The following POU6F2 variants were observed in gnomAD, a reference collection of about 807,000 sequenced individuals.
POU6F2 encodes POU class 6 homeobox 2, also known as POU domain, class 6, transcription factor 2.
A neutral mutation model predicts 71.3 loss-of-function variants in POU6F2; 31 were observed. That is an observed-to-expected ratio of 0.43 (90% CI 0.33 to 0.59). The LOEUF (loss-of-function observed/expected upper bound fraction) is 0.59. Among genes scored for constraint, POU6F2 ranks in the 20% least tolerant of loss-of-function variants. The pLI is 0.04. For missense variants in POU6F2, 783 were observed against 856.8 expected (o/e 0.91, Z 1.07); for synonymous variants, 347 against 355.7 (o/e 0.98, Z 0.27).
At chr7:39,207,277 T>G (rs1022316446) in intron 3 of POU6F2, 115 bp from the exon 4 acceptor site, 81 of 954,404 alleles carry the variant, frequency 8.5e-5, no homozygotes, top group Non-Finnish European at 1.2e-4. Context: ...TAGGGCATGT[T>G]TTTTGGTACT....
intron 4 of POU6F2, among the ~76,000 whole-genome samples, chr7:39,286,311 A>G (rs951257904): frequency 1.3e-5 from 2 of 152,236 alleles, no homozygotes; most frequent in Non-Finnish European, 2.9e-5. Flanking sequence ...GGGTACACAC[A>G]GTTTACAAGG....
intron 2 of POU6F2, among the ~76,000 whole-genome samples, chr7:39,182,781 G>A (rs1793460352): frequency 6.6e-6 from 1 of 152,144 alleles, no homozygotes; most frequent in Non-Finnish European, 1.5e-5. Context: ...TGTGGTTGAA[G>A]TATCACCTGT....
intron 5 of POU6F2, among the ~76,000 whole-genome samples, chr7:39,405,272 T>C (rs1319549702): frequency 6.6e-6 from 1 of 152,200 alleles, no homozygotes; most frequent in Non-Finnish European, 1.5e-5. Flanking sequence ...TAAGATAGTA[T>C]AATCTCTAGG....
chr7:38,979,365 T>C (rs1460726575), intron 1 of POU6F2, among the ~76,000 whole-genome samples: 1 of 152,244 alleles, frequency 6.6e-6, no homozygotes, highest in Non-Finnish European at 1.5e-5. Context: ...ACATGGTTTA[T>C]TAATACCAGC....
chr7:39,097,879 AG>A (rs1461182529), intron 2 of POU6F2, among the ~76,000 whole-genome samples: 1 of 152,236 alleles, frequency 6.6e-6, no homozygotes, highest in Non-Finnish European at 1.5e-5. Context: ...GTAGCTTTTT[AG>A]GCAATTTTAA....
In POU6F2 at chr7:39,180,285, T is replaced by A. The variant is rs954452903; in HGVS notation, c.278-23950T>A. Among the ~76,000 whole-genome samples the A allele has an allele frequency of 2.0e-5, 3 of 152,146 alleles. 1 individual carries two copies. Among genetic ancestry groups the A allele is most frequent in the African/African-American group, 7.2e-5 (3 of 41,440 alleles). On this transcript the variant is annotated intron_variant, in intron 2 of 9. Coordinates refer to ENST00000518318, the MANE Select transcript of POU6F2 (RefSeq NM_001370959.1). ...CCGAAGATTTAATGAGATATTAGAT[T>A]TTTTTTAAGTAGCCAGAGAAAAAGA...
At chr7:39,405,632 GA>G (rs1342894207) in intron 5 of POU6F2, among the ~76,000 whole-genome samples, 1 of 152,178 alleles carries the variant, frequency 6.6e-6, no homozygotes, top group Non-Finnish European at 1.5e-5. Flanking sequence ...CCAATACTGT[GA>G]AAATAGTTTA....
chr7:39,039,752 A>G (rs754116504), intron 1 of POU6F2, among the ~76,000 whole-genome samples: 20 of 151,438 alleles, frequency 1.3e-4, no homozygotes, highest in Admixed American at 6.6e-5. Context: ...CTAGTATCCC[A>G]TGAAAGGTAT....
At position 39,433,283 on chromosome 7, in the gene POU6F2, G is replaced by T; in HGVS notation, c.1320G>T (p.Gln440His). 6.2e-7 allele frequency: 1 copy of T among 1,613,904 alleles called. No individual in the cohort carries two copies. ...ITLSPIKPGQ[Q>H]LHQPSQTSVG... is the part of the protein sequence containing the mutation. ...TGTCACCCATCAAGCCCGGCCAGCAGGTAAATGTTCCAGGCCAAGGCAGCC... is the reference window on the plus strand; with the variant it reads ...TGTCACCCATCAAGCCCGGCCAGCATGTAAATGTTCCAGGCCAAGGCAGCC... Residue 440 changes from glutamine (Q) to histidine (H), a missense_variant and splice_region_variant, in exon 7 of 10, where the codon CAG (glutamine) becomes CAT (histidine). Gln to His is a conservative substitution (Grantham distance 24). Around this residue, in one of 2 missense-constraint regions of POU6F2, gnomAD observed 572 missense variants for 572.9 expected, o/e 1.00. Coordinates refer to ENST00000518318, the MANE Select transcript of POU6F2 (RefSeq NM_001370959.1).
rs147452213 is a variant in POU6F2 at position 39,321,083 on chromosome 7, A to G, written c.599-18559A>G. ...AAAATAAATAAATAACAATTCTTCT[A>G]TAACATAGTACTATTATAACAATAT... On this transcript the variant is annotated intron_variant, in intron 4 of 9. Transcript: ENST00000518318. Among the ~76,000 whole-genome samples the G allele has an allele frequency of 4.8e-3, 578 of 120,892 alleles. 1 individual carries two copies. Among genetic ancestry groups the G allele is most frequent in the African/African-American group, 0.016 (555 of 34,886 alleles). The allele number at this position is 120,892 out of a possible 152,430, so 79.3% of individuals were successfully genotyped here.
intron 1 of POU6F2, among the ~76,000 whole-genome samples, chr7:39,006,282 G>A (rs894005308): frequency 3.2e-4 from 49 of 152,062 alleles, no homozygotes; most frequent in African/African-American, 1.2e-3. Flanking sequence ...TGGCCAACAT[G>A]GTGACACCCC....
intron 2 of POU6F2, among the ~76,000 whole-genome samples, chr7:39,152,151 C>A (rs1792774270): frequency 6.6e-6 from 1 of 152,024 alleles, no homozygotes; most frequent in African/African-American, 2.4e-5. Flanking sequence ...CCAAAAGTAT[C>A]ATGAAGATTC....
intron 2 of POU6F2, among the ~76,000 whole-genome samples, chr7:39,176,823 A>T (rs1488432227): frequency 6.6e-6 from 1 of 152,244 alleles, no homozygotes; most frequent in African/African-American, 2.4e-5. Flanking sequence ...AACATTAAGC[A>T]TGAGAAATAA....
intron 8 of POU6F2, among the ~76,000 whole-genome samples, chr7:39,453,723 A>G (rs1301172869): frequency 2.0e-5 from 3 of 152,218 alleles, no homozygotes; most frequent in Non-Finnish European, 1.5e-5. Flanking sequence ...TAGAACTTTC[A>G]TTGCACAGTA....
intron 2 of POU6F2, among the ~76,000 whole-genome samples, chr7:39,139,954 A>C (rs2128731531): frequency 6.6e-6 from 1 of 152,356 alleles, no homozygotes; most frequent in South Asian, 2.1e-4. Context: ...CCATTTTTAT[A>C]GCATTGAAGA....
At chr7:39,098,736 C>A (rs1254351187) in intron 2 of POU6F2, among the ~76,000 whole-genome samples, 1 of 152,210 alleles carries the variant, frequency 6.6e-6, no homozygotes, top group Non-Finnish European at 1.5e-5. Flanking sequence ...TGGTACGCCA[C>A]AGGGCAATCT....
chr7:39,106,907 T>A (rs577675376), intron 2 of POU6F2, among the ~76,000 whole-genome samples: 20 of 152,324 alleles, frequency 1.3e-4, no homozygotes, highest in African/African-American at 4.3e-4. Context: ...TTCTTTTACT[T>A]TGCCTGTCTT....
At chr7:39,117,606 GC>G (rs1791957972) in intron 2 of POU6F2, among the ~76,000 whole-genome samples, 2 of 152,146 alleles carry the variant, frequency 1.3e-5, no homozygotes, top group Non-Finnish European at 2.9e-5. Context: ...AGAAAGGTGA[GC>G]CCTTACTGCA....
At chr7:39,294,078 A>T (rs970441875) in intron 4 of POU6F2, among the ~76,000 whole-genome samples, 2 of 151,988 alleles carry the variant, frequency 1.3e-5, no homozygotes, top group Non-Finnish European at 2.9e-5. Context: ...TAACCAGTTA[A>T]GTTGATTAGT....
Sources: allele counts gnomAD v4.1 joint callset (sites outside exome capture counted in the v4.1 genomes callset), GRCh38; gene constraint gnomAD v4.1.1; regional missense constraint gnomAD v4.1.1; transcripts MANE v1.5; gene names NCBI Gene and HGNC (gene_info 2026-07-23, HGNC 2026-07-21).